VIM: variants seen among roughly 807,000 people sequenced by gnomAD.
The protein encoded by VIM is epididymis secretory sperm binding protein.
VIM carries 18 observed loss-of-function variants against 50.3 expected under a neutral mutation model. The ratio of observed to expected loss-of-function variants is 0.36; its 90% CI spans 0.25 to 0.53. VIM has a LOEUF of 0.53. Among genes scored for constraint, VIM ranks in the 20% least tolerant of loss-of-function variants. The pLI is 0.91. For missense variants in VIM, 551 were observed against 614.7 expected, an observed-to-expected ratio of 0.90 and a Z score of 1.10; for synonymous variants, 245 against 248.5, an observed-to-expected ratio of 0.99 and a Z score of 0.13.
chr10:17,229,211 T>C (rs1564371970), intron 1 of VIM, 65 bp from the exon 2 acceptor site: 1 of 305,770 alleles, frequency 3.3e-6, no homozygotes, highest in Non-Finnish European at 6.0e-6. Flanking sequence ...GCGGCTGGGA[T>C]GGCAGTGGGA....
chr10:17,230,116 A>T, intron 2 of VIM, 131 bp downstream of exon 2: 1 of 1,180,538 alleles, frequency 8.5e-7, no homozygotes, highest in South Asian at 1.6e-5. Flanking sequence ...CCAGGGAGAC[A>T]GCGGAGAGCG....
At chr10:17,232,276 A>G (rs1192723611) in intron 3 of VIM, among the ~76,000 whole-genome samples, 1 of 152,244 alleles carries the variant, frequency 6.6e-6, no homozygotes, top group African/African-American at 2.4e-5. Context: ...AGGTGATAGA[A>G]AAGTCTCAAC....
intron 3 of VIM, among the ~76,000 whole-genome samples, chr10:17,232,814 C>G (rs1213777898): frequency 2.0e-5 from 3 of 152,216 alleles, no homozygotes; most frequent in African/African-American, 7.2e-5. Flanking sequence ...TTTCTGTTCT[C>G]CATGTACTCA....
chr10:17,236,657 C>T (rs561666284), intron 9 of VIM, among the ~76,000 whole-genome samples: 2 of 152,292 alleles, frequency 1.3e-5, no homozygotes, highest in Non-Finnish European at 2.9e-5. Context: ...CTTCCTTAAA[C>T]CACTTCCTAA....
Position 17,229,294 on chromosome 10 carries a change from C to A in VIM, c.-129C>A. ...GGTCCAGTCCTCTGCCACTCTCGCT[C>A]CGAGGTCCCCGCGCCAGAGACGCAG... On this transcript the variant is annotated 5_prime_UTR_variant, in exon 2 of 10. Coordinates refer to ENST00000544301, the MANE Select transcript of VIM (RefSeq NM_003380.5). 1.0e-6 allele frequency: 1 copy of A among 986,446 alleles called. No homozygotes were observed. Among genetic ancestry groups the A allele is most frequent in the South Asian group, 1.5e-5 (1 of 66,066 alleles). 61.1% of individuals were successfully genotyped at this position (986,446 alleles called of 1,614,324 possible). A position where few individuals can be genotyped will look rare whatever the true frequency, so the allele number is the denominator to read the frequency against.
At position 17,230,001 on chromosome 10, in the gene VIM, T is replaced by C; in HGVS notation, c.563+16T>C. 1 of 1,600,836 alleles carries C rather than the reference T, an allele frequency of 6.2e-7. No individual in the cohort carries two copies. Among genetic ancestry groups the C allele is most frequent in the Non-Finnish European group, 8.5e-7 (1 of 1,174,744 alleles). ...TCCGGGAGAAGTAAGGCTGCGCCCA[T>C]GCAAGTAGCTGGGCCTCGGGAGGGG... On this transcript the variant is annotated intron_variant, in intron 2 of 9. Coordinates refer to ENST00000544301, the MANE Select transcript of VIM (RefSeq NM_003380.5).
rs765296471 is a variant in VIM, at chr10:17,230,263, G to A, written c.563+278G>A. On this transcript the variant is annotated intron_variant, in intron 2 of 9. Coordinates refer to ENST00000544301, the MANE Select transcript of VIM (RefSeq NM_003380.5). ...TCTTAAAACTACCACTTTGTGTGCA[G>A]TTGAAGGCCCTTGGGCACAATGAGA... 3.0e-4 allele frequency: 175 copies of A among 581,842 alleles called. 2 individuals carry two copies. The highest frequency in any genetic ancestry group is 5.1e-4 in the Non-Finnish European group (167 of 326,638). 36.0% of individuals were successfully genotyped at this position (581,842 alleles called of 1,614,324 possible).
At chr10:17,230,019 G>A (rs555886506) in intron 2 of VIM, 34 bp downstream of exon 2, 2 of 1,583,098 alleles carry the variant, frequency 1.3e-6, no homozygotes, top group East Asian at 2.3e-5. Flanking sequence ...GCTGGGCCTC[G>A]GGAGGGGGCT....
rs757461918 is a variant in VIM at position 17,229,853 on chromosome 10, C to G, written c.431C>G (p.Ser144Trp). Residue 144 changes from serine (S) to tryptophan (W), a missense_variant, in exon 2 of 10, where the codon TCG becomes TGG. Around this residue, in one of 3 missense-constraint regions of VIM, gnomAD observed 394 missense variants for 437.5 expected, o/e 0.90. Coordinates refer to ENST00000544301, the MANE Select transcript of VIM (RefSeq NM_003380.5). Reference protein sequence around the residue: ...ELEQLKGQGKSRLGDLYEEEM... With the variant: ...ELEQLKGQGKWRLGDLYEEEM... ...GAGCAGCTCAAGGGCCAAGGCAAGT[C>G]GCGCCTGGGGGACCTCTACGAGGAG... 1 of 1,606,304 alleles carries G rather than the reference C, an allele frequency of 6.2e-7. No homozygotes were observed. Among genetic ancestry groups the G allele is most frequent in the Non-Finnish European group, 8.5e-7 (1 of 1,176,924 alleles).
Position 17,229,758 on chromosome 10 carries a change from C to A in VIM, c.336C>A (p.Asp112Glu), listed in dbSNP as rs534064028. The A allele has an allele frequency of 6.3e-7, 1 of 1,588,530 alleles. No homozygotes were observed. Among genetic ancestry groups the A allele is most frequent in the Non-Finnish European group, 8.6e-7 (1 of 1,166,790 alleles). ...AGGTGGAGCTGCAGGAGCTGAATGA[C>A]CGCTTCGCCAACTACATCGACAAGG... ...NEKVELQELNDRFANYIDKVR... is the reference protein window; with the variant it reads ...NEKVELQELNERFANYIDKVR... The change falls in exon 2 of 10, where the codon GAC becomes GAA. Residue 112 changes from aspartate to glutamate, a missense_variant. Physicochemically the swap from Asp to Glu is conservative, Grantham distance 45. Coordinates refer to ENST00000544301, the MANE Select transcript of VIM (RefSeq NM_003380.5).
chr10:17,230,629 G>C lies in VIM; in HGVS notation c.564-21G>C, dbSNP rs540797579. 32 of 1,613,932 alleles carry C rather than the reference G, an allele frequency of 2.0e-5. 1 individual carries two copies. The South Asian group carries it at 3.1e-4, about 16-fold the overall frequency. Reference sequence around the variant, plus strand: ...CTGGCGGTTTCCTCGTTCCCCTTTGGTTAATGCGCAACTGTTTCAGATTGC... The same window carrying C: ...CTGGCGGTTTCCTCGTTCCCCTTTGCTTAATGCGCAACTGTTTCAGATTGC... On this transcript the variant is annotated intron_variant, in intron 2 of 9. Coordinates refer to ENST00000544301, the MANE Select transcript of VIM (RefSeq NM_003380.5).
In VIM at chr10:17,234,826, C is replaced by T. The variant is rs1170929552; in HGVS notation, c.1008+8C>T. ...GATGCCCTTAAAGGAACCGTGAGTA[C>T]CAACCCTGCAGTAAAAGAGGGAAAA... On this transcript the variant is annotated splice_region_variant and intron_variant, in intron 6 of 9. Transcript: ENST00000544301. 7 of 1,613,954 alleles carry T rather than the reference C, an allele frequency of 4.3e-6. No homozygotes were observed. The highest frequency in any genetic ancestry group is 1.3e-5 in the African/African-American group (1 of 74,898).
At chr10:17,233,225 G>C in intron 3 of VIM, 1 of 327,426 alleles carries the variant, frequency 3.1e-6, no homozygotes, top group Non-Finnish European at 5.9e-6. Flanking sequence ...TGGGATTACA[G>C]GCATAAGCCA....
intron 2 of VIM, 80 bp from the exon 3 acceptor site, chr10:17,230,570 G>A (rs1222103168): frequency 1.3e-6 from 2 of 1,491,360 alleles, no homozygotes; most frequent in Admixed American, 1.7e-5. Flanking sequence ...GGCGCAGAGC[G>A]AATACGTGGT....
At chr10:17,234,883 T>C (rs1196591627) in intron 6 of VIM, 65 bp downstream of exon 6, 2 of 1,608,456 alleles carry the variant, frequency 1.2e-6, no homozygotes. Context: ...AGGCTCATGA[T>C]GATACCTGAA....
chr10:17,229,592 C>T lies in VIM; in HGVS notation c.170C>T (p.Pro57Leu), dbSNP rs749931833. 5.5e-5 allele frequency: 89 copies of T among 1,605,490 alleles called. No individual in the cohort carries two copies. Among genetic ancestry groups the T allele is most frequent in the Non-Finnish European group, 7.3e-5 (86 of 1,176,902 alleles). The change falls in exon 2 of 10, where the codon CCG becomes CTG. Residue 57 changes from proline to leucine, a missense_variant. By Grantham distance (98) the Pro-to-Leu change is moderately conservative (BLOSUM62 -3). Transcript: ENST00000544301. ...STSRSLYASS[P>L]GGVYATRSSA... The stretch of plus-strand genomic sequence containing the variant: ...AGCCGCAGCCTCTACGCCTCGTCCC[C>T]GGGCGGCGTGTATGCCACGCGCTCC...
chr10:17,233,496 T>C, intron 3 of VIM, 91 bp from the exon 4 acceptor site: 1 of 1,279,552 alleles, frequency 7.8e-7, no homozygotes, highest in Non-Finnish European at 1.1e-6. Flanking sequence ...GTAAGGAGAC[T>C]AGGTTCAGAT....
At position 17,235,398 on chromosome 10, in the gene VIM, C is replaced by A. The variant is rs1315588992; in HGVS notation, c.1229+9C>A. On this transcript the variant is annotated intron_variant, in intron 7 of 9. Coordinates refer to ENST00000544301, the MANE Select transcript of VIM (RefSeq NM_003380.5). ...GAAGGCGAGGAGAGCAGGTAGGGAA[C>A]TCAGACTTGGATGCGTGAACTAATG... The A allele has an allele frequency of 1.9e-6, 3 of 1,613,714 alleles. No homozygotes were observed. Among genetic ancestry groups the A allele is most frequent in the African/African-American group, 2.7e-5 (2 of 74,930 alleles).
chr10:17,229,939 G>C lies in VIM; in HGVS notation c.517G>C (p.Val173Leu). Residue 173 changes from valine to leucine, a missense_variant, in exon 2 of 10, where the codon GTG becomes CTG. Coordinates refer to ENST00000544301, the MANE Select transcript of VIM (RefSeq NM_003380.5). ...AACCAACGACAAAGCCCGCGTCGAGGTGGAGCGCGACAACCTGGCCGAGGA... is the reference window on the plus strand; with the variant it reads ...AACCAACGACAAAGCCCGCGTCGAGCTGGAGCGCGACAACCTGGCCGAGGA... The part of the protein sequence containing the change: ...QLTNDKARVE[V>L]ERDNLAEDIM... The C allele has an allele frequency of 6.2e-7, 1 of 1,612,928 alleles. No homozygotes were observed. The highest frequency in any genetic ancestry group is 1.7e-5 in the Admixed American group (1 of 59,950).
Sources: allele counts gnomAD v4.1 joint callset (sites outside exome capture counted in the v4.1 genomes callset), GRCh38; gene constraint gnomAD v4.1.1; regional missense constraint gnomAD v4.1.1; transcripts MANE v1.5; gene names NCBI Gene and HGNC (gene_info 2026-07-23, HGNC 2026-07-21).